The following GK variants were observed in gnomAD, a reference collection of about 807,000 sequenced individuals.
GK encodes glycerol kinase, also known as ATP:glycerol 3-phosphotransferase.
Under a neutral mutation model 56.4 loss-of-function variants are expected in GK, and 9 were observed. The observed-to-expected ratio is 0.16, with a 90% confidence interval of 0.10 to 0.28. The LOEUF is 0.28. GK is among the 10% of genes least tolerant of loss of function. GK has a pLI of 1.00. For missense variants in GK, 161 were observed against 431.4 expected (o/e 0.37, Z 5.55); for synonymous variants, 104 against 144.1 (o/e 0.72, Z 1.99).
intron 1 of GK, among the ~76,000 whole-genome samples, chrX:30,663,674 G>A (rs926024481): frequency 2.7e-5 from 3 of 110,322 alleles, no homozygotes; most frequent in Non-Finnish European, 5.7e-5. Flanking sequence ...GGGGGCGTGT[G>A]TGATATAGAA....
intron 11 of GK, among the ~76,000 whole-genome samples, chrX:30,704,646 A>T (rs1935890658): frequency 9.3e-6 from 1 of 107,111 alleles, no homozygotes; most frequent in African/African-American, 3.4e-5. Flanking sequence ...ATCTCAACTC[A>T]CTGCAACCTC....
At chrX:30,724,959 C>A (rs1181966708) in intron 19 of GK, among the ~76,000 whole-genome samples, 1 of 110,026 alleles carries the variant, frequency 9.1e-6, no homozygotes, top group Non-Finnish European at 1.9e-5. Flanking sequence ...TGGCCCACTG[C>A]AACCTCCGCC....
chrX:30,660,555 A>T (rs1932672983), intron 1 of GK, among the ~76,000 whole-genome samples: 1 of 111,232 alleles, frequency 9.0e-6, no homozygotes, highest in Admixed American at 9.7e-5. Context: ...TTTTGGATGT[A>T]TACTCTGTGC....
At chrX:30,700,180 A>T (rs1200594387) in intron 9 of GK, 1 of 372,109 alleles carries the variant, frequency 2.7e-6, no homozygotes, top group African/African-American at 2.5e-5. Context: ...GCCCTCATTT[A>T]CTGGCTCCCA....
intron 4 of GK, chrX:30,678,066 T>A: frequency 3.8e-6 from 2 of 531,695 alleles, no homozygotes; most frequent in South Asian, 4.9e-5. Flanking sequence ...CTAAAAGAGA[T>A]CTTACCTCCT....
chrX:30,701,010 A>T (rs773954052), intron 11 of GK, 105 bp downstream of exon 11: 18 of 541,877 alleles, frequency 3.3e-5, no homozygotes, highest in Non-Finnish European at 5.7e-5. Context: ...GAAAATCAAT[A>T]GCTTAATAGC....
intron 3 of GK, among the ~76,000 whole-genome samples, chrX:30,668,889 A>G (rs769369031): frequency 9.0e-6 from 1 of 110,875 alleles, no homozygotes; most frequent in Non-Finnish European, 1.9e-5. Context: ...TTGACCAATA[A>G]TGGTAGCAGT....
chrX:30,727,977 G>A (rs1475613456), intron 20 of GK, among the ~76,000 whole-genome samples: 1 of 111,600 alleles, frequency 9.0e-6, no homozygotes, highest in African/African-American at 3.3e-5. Flanking sequence ...ATTCTGGCAA[G>A]TTTCAGCCAG....
intron 1 of GK, among the ~76,000 whole-genome samples, chrX:30,662,809 T>TTCCTTCTC (rs1932810107): frequency 1.6e-5 from 1 of 62,277 alleles, no homozygotes; most frequent in Non-Finnish European, 2.9e-5. Flanking sequence ...CCTTCCTTCC[T>TTCCTTCTC]TCTCTCTCTC....
intron 9 of GK, among the ~76,000 whole-genome samples, chrX:30,699,237 G>A (rs189052856): frequency 4.2e-5 from 4 of 95,697 alleles, no homozygotes; most frequent in East Asian, 3.1e-4. Context: ...TACATGTTAT[G>A]TATAACATGT....
intron 13 of GK, among the ~76,000 whole-genome samples, 178 bp downstream of exon 13, chrX:30,708,312 G>A (rs1350102275): frequency 9.0e-6 from 1 of 111,199 alleles, no homozygotes; most frequent in Non-Finnish European, 1.9e-5. Context: ...AGGACTCACA[G>A]GAGACCTTGA....
At chrX:30,663,984 C>A (rs1313734296) in intron 1 of GK, among the ~76,000 whole-genome samples, 1 of 84,063 alleles carries the variant, frequency 1.2e-5, no homozygotes, top group Admixed American at 1.6e-4. Context: ...TTATATATAT[C>A]TATATATATT....
chrX:30,682,504 C>T (rs1934336069), intron 4 of GK, among the ~76,000 whole-genome samples: 1 of 111,780 alleles, frequency 8.9e-6, no homozygotes, highest in Non-Finnish European at 1.9e-5. Flanking sequence ...AGGATAGATT[C>T]TGCCTTCAGT....
Position 30,665,521 on chromosome X carries a change from CA to C in GK, c.94del (p.Thr32GlnfsTer10). 8.9e-7 allele frequency: 1 copy of C among 1,122,790 alleles called. No individual in the cohort carries two copies. The highest frequency in any genetic ancestry group is 1.2e-6 in the Non-Finnish European group (1 of 814,990). 92.5% of individuals were successfully genotyped at this position (1,122,790 alleles called of 1,213,427 possible). On this transcript the variant is annotated frameshift_variant, in exon 2 of 21. Transcript: ENST00000427190. LOFTEE classifies it high-confidence loss of function. The part of the protein sequence containing the change: ...TSSTRFLVFN[S>X]KTAELLSHHQ... ...CAATATCTTTTTCAGGTTTTCAATTCAAAAACAGCTGAACTACTTAGTCATC... is the reference window on the plus strand; with the variant it reads ...CAATATCTTTTTCAGGTTTTCAATTCAAAACAGCTGAACTACTTAGTCATC...
intron 4 of GK, among the ~76,000 whole-genome samples, chrX:30,685,135 T>A (rs934257989): frequency 2.7e-5 from 3 of 110,339 alleles, no homozygotes. Context: ...TTTCTTTTTT[T>A]TTTTCTTTTT....
At chrX:30,665,684 C>T (rs778339477) in intron 2 of GK, 100 bp downstream of exon 2, 8 of 538,520 alleles carry the variant, frequency 1.5e-5, no homozygotes, top group Non-Finnish European at 2.6e-5. Context: ...GTCAGACATC[C>T]TCCTGAAAAC....
intron 3 of GK, among the ~76,000 whole-genome samples, chrX:30,675,948 C>G (rs1298945442): frequency 9.0e-6 from 1 of 111,544 alleles, no homozygotes; most frequent in African/African-American, 3.3e-5. Flanking sequence ...TGCCACCATG[C>G]CTGGCTAATT....
intron 1 of GK, among the ~76,000 whole-genome samples, chrX:30,664,169 GATATATAT>G (rs1339657618): frequency 2.3e-5 from 2 of 87,502 alleles, no homozygotes; most frequent in Non-Finnish European, 4.4e-5. Context: ...TAGATATATA[GATATATAT>G]ATATCTTATA....
intron 4 of GK, among the ~76,000 whole-genome samples, chrX:30,682,629 G>A (rs772861466): frequency 3.9e-4 from 44 of 112,076 alleles, no homozygotes; most frequent in Non-Finnish European, 1.9e-4. Flanking sequence ...CACAAGGTAG[G>A]ATGGATGGAA....
Sources: gnomAD v4.1 joint callset for allele counts (sites outside exome capture counted in the v4.1 genomes callset) on GRCh38, gnomAD v4.1.1 for gene constraint, MANE v1.5 for transcripts, NCBI Gene and HGNC (gene_info 2026-07-23, HGNC 2026-07-21) for gene names.